The following GRHL2 variants were observed in gnomAD, a reference collection of about 807,000 sequenced individuals.
GRHL2 encodes the protein grainyhead like transcription factor 2, also known as grainyhead-like protein 2 homolog.
GRHL2 carries 21 observed loss-of-function variants against 83.8 expected under a neutral mutation model. The observed-to-expected ratio is 0.25, with a 90% confidence interval of 0.18 to 0.36. The LOEUF (loss-of-function observed/expected upper bound fraction) is 0.36. Ranked by LOEUF, GRHL2 falls within the 10% of genes least tolerant of loss-of-function variation. The pLI is 1.00. For missense variants in GRHL2, 623 were observed against 781.8 expected (o/e 0.80, Z 2.42); for synonymous variants, 280 against 278.9 (o/e 1.00, Z -0.04).
In GRHL2 at chr8:101,505,103, G is replaced by A. The variant is rs183568538; in HGVS notation, c.20+12314G>A. 1.9e-3 allele frequency among the ~76,000 whole-genome samples: 294 copies of A among 152,202 alleles called. 6 individuals are homozygous for A. The highest frequency in any genetic ancestry group is 2.1e-3 in the East Asian group (11 of 5,164). ...GAATAAACACAGAGGTGGTGAAACAGGAACTAGTAGGTATACATTTTGGCC... is the reference window on the plus strand; with the variant it reads ...GAATAAACACAGAGGTGGTGAAACAAGAACTAGTAGGTATACATTTTGGCC... On this transcript the variant is annotated intron_variant, in intron 1 of 15. Transcript: ENST00000646743.
downstream of GRHL2, among the ~76,000 whole-genome samples, chr8:101,672,804 A>C (rs573636600): frequency 1.4e-4 from 21 of 151,488 alleles, no homozygotes; most frequent in African/African-American, 4.9e-4. Context: ...AGCCAGAGAG[A>C]AAGGTCGGGT....
intron 4 of GRHL2, among the ~76,000 whole-genome samples, chr8:101,567,451 C>T (rs1033574116): frequency 6.6e-6 from 1 of 152,160 alleles, no homozygotes; most frequent in Non-Finnish European, 1.5e-5. Flanking sequence ...AATTTACTTA[C>T]AGCCATGTAA....
chr8:101,587,613 CT>C (rs1208621235), intron 7 of GRHL2, among the ~76,000 whole-genome samples: 2 of 152,096 alleles, frequency 1.3e-5, no homozygotes, highest in African/African-American at 4.8e-5. Context: ...GGAATTTATA[CT>C]TTTATTTGAT....
rs2129791731 is a variant in GRHL2, at chr8:101,669,098, T to TGTTA, written c.*2397_*2400dup. 1 of 152,308 alleles carries TGTTA rather than the reference T, an allele frequency of 6.6e-6. No individual in the cohort carries two copies. Among genetic ancestry groups the TGTTA allele is most frequent in the East Asian group, 1.9e-4 (1 of 5,180 alleles). 9.4% of individuals were successfully genotyped at this position (152,308 alleles called of 1,614,324 possible). ...TTGCCTTTGATGTGTCCGCTGTGTA[T>TGTTA]GTTAGCTGAACTTTGATGAGCAAAA... On this transcript the variant is annotated 3_prime_UTR_variant, in exon 16 of 16. Coordinates refer to ENST00000646743, the MANE Select transcript of GRHL2 (RefSeq NM_024915.4).
At chr8:101,619,170 G>T (rs530016301) in intron 8 of GRHL2, among the ~76,000 whole-genome samples, 19 of 151,984 alleles carry the variant, frequency 1.3e-4, no homozygotes, top group Non-Finnish European at 2.8e-4. Context: ...GGAGAATGGC[G>T]TGAACCTGGG....
intron 9 of GRHL2, among the ~76,000 whole-genome samples, chr8:101,631,367 A>T (rs1006252457): frequency 3.9e-5 from 6 of 152,220 alleles, no homozygotes; most frequent in Non-Finnish European, 7.3e-5. Context: ...ATGGATTCAA[A>T]ACTGAATTTC....
At chr8:101,556,058 A>T (rs990741230) in intron 3 of GRHL2, among the ~76,000 whole-genome samples, 34 of 152,170 alleles carry the variant, frequency 2.2e-4, no homozygotes, top group Admixed American at 1.5e-3. Context: ...GGCAGGTTCA[A>T]GTGATTCTCC....
At chr8:101,638,817 C>T (rs572896899) in intron 12 of GRHL2, among the ~76,000 whole-genome samples, 4 of 152,150 alleles carry the variant, frequency 2.6e-5, no homozygotes, top group Non-Finnish European at 5.9e-5. Flanking sequence ...CAGTAATTCC[C>T]ATGTTTAATG....
At chr8:101,541,246 A>G (rs997762820) in intron 1 of GRHL2, among the ~76,000 whole-genome samples, 1 of 150,806 alleles carries the variant, frequency 6.6e-6, no homozygotes, top group Admixed American at 6.6e-5. Flanking sequence ...GTTTTTTTCC[A>G]TATCTTTGCC....
At chr8:101,600,064 C>T (rs772378577) in intron 8 of GRHL2, among the ~76,000 whole-genome samples, 12 of 152,154 alleles carry the variant, frequency 7.9e-5, no homozygotes, top group Non-Finnish European at 5.9e-5. Flanking sequence ...TTATTGTCTG[C>T]GAGCAGGGGG....
chr8:101,606,392 C>T (rs1812635386), intron 8 of GRHL2, among the ~76,000 whole-genome samples: 1 of 152,132 alleles, frequency 6.6e-6, no homozygotes, highest in South Asian at 2.1e-4. Context: ...TGCCCCATTG[C>T]CTTCCTGTTG....
At chr8:101,546,248 T>C (rs978945318) in intron 2 of GRHL2, among the ~76,000 whole-genome samples, 9 of 152,146 alleles carry the variant, frequency 5.9e-5, no homozygotes, top group African/African-American at 2.2e-4. Context: ...TGAAGAAATA[T>C]ATTGATTATA....
chr8:101,589,865 A>C (rs1812242648), intron 7 of GRHL2, among the ~76,000 whole-genome samples: 1 of 152,212 alleles, frequency 6.6e-6, no homozygotes. Flanking sequence ...AAAGGTGCTC[A>C]TCTGGCTGTG....
chr8:101,582,925 G>A (rs1269598760), intron 7 of GRHL2, among the ~76,000 whole-genome samples: 2 of 152,104 alleles, frequency 1.3e-5, no homozygotes, highest in African/African-American at 4.8e-5. Context: ...ATGTTTTTCT[G>A]TTGTTGAATG....
At chr8:101,621,567 G>A (rs1812965469) in intron 9 of GRHL2, among the ~76,000 whole-genome samples, 1 of 151,838 alleles carries the variant, frequency 6.6e-6, no homozygotes, top group South Asian at 2.1e-4. Context: ...AAATGAAAGA[G>A]GTGTGAGAGA....
intron 4 of GRHL2, among the ~76,000 whole-genome samples, chr8:101,560,559 A>T (rs538531047): frequency 1.3e-5 from 2 of 152,300 alleles, no homozygotes; most frequent in East Asian, 3.9e-4. Flanking sequence ...TGGCTCATGT[A>T]TGTTTAACTT....
intron 4 of GRHL2, among the ~76,000 whole-genome samples, chr8:101,562,739 G>A (rs2130191290): frequency 6.6e-6 from 1 of 152,294 alleles, no homozygotes; most frequent in African/African-American, 2.4e-5. Context: ...AATATGTAAT[G>A]TGTATTTTTA....
intron 14 of GRHL2, among the ~76,000 whole-genome samples, chr8:101,651,535 C>T (rs1487635326): frequency 1.3e-5 from 2 of 152,212 alleles, no homozygotes; most frequent in Non-Finnish European, 2.9e-5. Flanking sequence ...TCCATGGCAT[C>T]TGACCAGTTC....
At chr8:101,582,539 C>T (rs1812078161) in intron 7 of GRHL2, among the ~76,000 whole-genome samples, 1 of 152,178 alleles carries the variant, frequency 6.6e-6, no homozygotes, top group Non-Finnish European at 1.5e-5. Context: ...AGGCTGAAGC[C>T]TTGGGTCCCC....
Sources: gnomAD v4.1 joint callset for allele counts (sites outside exome capture counted in the v4.1 genomes callset) on GRCh38, gnomAD v4.1.1 for gene constraint, MANE v1.5 for transcripts, NCBI Gene and HGNC (gene_info 2026-07-23, HGNC 2026-07-21) for gene names.